EXOC6B: variants seen among roughly 807,000 people sequenced by gnomAD.
EXOC6B encodes exocyst complex component 6B, also known as SEC15 homolog B.
Under a neutral mutation model 113.5 loss-of-function variants are expected in EXOC6B, and 54 were observed. That is an observed-to-expected ratio of 0.48 (90% confidence interval 0.38 to 0.60). EXOC6B has a LOEUF of 0.60. Ranked by LOEUF, EXOC6B falls within the 20% of genes least tolerant of loss-of-function variation. The pLI is 0.00. For missense variants in EXOC6B, 797 were observed against 977.5 expected, an observed-to-expected ratio of 0.82 and a Z score of 2.46; for synonymous variants, 357 against 339.0, an observed-to-expected ratio of 1.05 and a Z score of -0.58.
intron 1 of EXOC6B, among the ~76,000 whole-genome samples, chr2:72,799,163 C>T (rs536095231): frequency 2.8e-4 from 41 of 143,958 alleles, no homozygotes; most frequent in Non-Finnish European, 5.3e-4. Flanking sequence ...TCGCTTGTGC[C>T]CAGGAGGTCA....
At chr2:72,514,905 T>C in intron 9 of EXOC6B, 138 bp downstream of exon 9, 1 of 795,332 alleles carries the variant, frequency 1.3e-6, no homozygotes, top group Non-Finnish European at 2.1e-6. Context: ...TTACTGCAAG[T>C]CACATCCACC....
At chr2:72,205,385 C>T (rs1679777433) in intron 20 of EXOC6B, among the ~76,000 whole-genome samples, 1 of 151,946 alleles carries the variant, frequency 6.6e-6, no homozygotes, top group Non-Finnish European at 1.5e-5. Flanking sequence ...AAGGATATTC[C>T]ACTGAAGTAA....
At chr2:72,802,782 A>G (rs1685364605) in intron 1 of EXOC6B, among the ~76,000 whole-genome samples, 1 of 152,206 alleles carries the variant, frequency 6.6e-6, no homozygotes, top group Admixed American at 6.5e-5. Flanking sequence ...GAACAATTTT[A>G]TCTTACAGCA....
chr2:72,634,336 A>C (rs1355890802), intron 6 of EXOC6B, among the ~76,000 whole-genome samples: 1 of 152,218 alleles, frequency 6.6e-6, no homozygotes, highest in Non-Finnish European at 1.5e-5. Flanking sequence ...GAATAGATGC[A>C]CTTTTCCTCC....
At chr2:72,399,904 T>C (rs1333635079) in intron 18 of EXOC6B, among the ~76,000 whole-genome samples, 1 of 152,156 alleles carries the variant, frequency 6.6e-6, no homozygotes, top group Non-Finnish European at 1.5e-5. Flanking sequence ...AATGCCAATG[T>C]GATTTTTCAC....
At chr2:72,228,400 A>C (rs1358580318) in intron 20 of EXOC6B, among the ~76,000 whole-genome samples, 3 of 150,242 alleles carry the variant, frequency 2.0e-5, no homozygotes, top group Admixed American at 6.6e-5. Context: ...TATATCTCCT[A>C]ATGCTATCCC....
At chr2:72,619,852 G>A (rs1671637474) in intron 6 of EXOC6B, among the ~76,000 whole-genome samples, 1 of 152,232 alleles carries the variant, frequency 6.6e-6, no homozygotes, top group Non-Finnish European at 1.5e-5. Flanking sequence ...GGAGCAGGCA[G>A]AGACAGGCTT....
At chr2:72,408,001 G>A (rs990639069) in intron 18 of EXOC6B, among the ~76,000 whole-genome samples, 11 of 152,070 alleles carry the variant, frequency 7.2e-5, no homozygotes, top group Admixed American at 5.2e-4. Flanking sequence ...TAAGCTGATA[G>A]GCAACTTCAG....
In EXOC6B at chr2:72,825,023, G is replaced by A. The variant is rs1211230830; in HGVS notation, c.113+775C>T. 1.3e-5 allele frequency among the ~76,000 whole-genome samples: 2 copies of A among 152,172 alleles called. No individual in the cohort carries two copies. The highest frequency in any genetic ancestry group is 2.9e-5 in the Non-Finnish European group (2 of 68,028). On this transcript the variant is annotated intron_variant, in intron 1 of 21. Coordinates refer to ENST00000272427, the MANE Select transcript of EXOC6B (RefSeq NM_015189.3). The surrounding 1 kb of genome is among the most constrained non-coding windows in gnomAD (Gnocchi z 4.4). ...GGTTGTTTTGTAGCTTAAATAAGTT[G>A]CATTTGTAAATCACTTTATACAACG... is the stretch of plus-strand genomic sequence containing the variant.
At chr2:72,745,910 C>T (rs1681665196) in intron 1 of EXOC6B, among the ~76,000 whole-genome samples, 1 of 152,186 alleles carries the variant, frequency 6.6e-6, no homozygotes, top group East Asian at 1.9e-4. Flanking sequence ...ACAATGCAGT[C>T]GAACAAAGTG....
chr2:72,374,376 C>G (rs578110365), intron 19 of EXOC6B, among the ~76,000 whole-genome samples: 1 of 152,140 alleles, frequency 6.6e-6, no homozygotes, highest in East Asian at 1.9e-4. Flanking sequence ...GAAATCCTGT[C>G]ATTTGTAACA....
chr2:72,568,712 C>T lies in EXOC6B; in HGVS notation c.846+6780G>A, dbSNP rs188619184. ...AGTAAAAGAAAATTTTTAAAAGACG[C>T]TATTACAGAAGAGGTAAAATTGAGG... On this transcript the variant is annotated intron_variant, in intron 7 of 21. Coordinates refer to ENST00000272427, the MANE Select transcript of EXOC6B (RefSeq NM_015189.3). Among the ~76,000 whole-genome samples the T allele has an allele frequency of 3.3e-5, 5 of 151,900 alleles. No individual in the cohort carries two copies. The East Asian group carries it at 7.8e-4, about 24-fold the overall frequency.
rs376924466 is a variant in EXOC6B, at chr2:72,498,043, G to A, written c.1337+411C>T. On this transcript the variant is annotated intron_variant, in intron 13 of 21. Transcript: ENST00000272427. ...AGTGAGTCATCCAAACAGATTTTCC[G>A]AAAGCCTAAATTATTCCTAAGTGCT... 2.0e-3 allele frequency among the ~76,000 whole-genome samples: 301 copies of A among 152,246 alleles called. 3 individuals are homozygous for A. In the South Asian group the frequency reaches 0.026, roughly 13 times the overall value.
At chr2:72,792,936 C>T (rs1671813536) in intron 1 of EXOC6B, among the ~76,000 whole-genome samples, 1 of 152,136 alleles carries the variant, frequency 6.6e-6, no homozygotes, top group African/African-American at 2.4e-5. Flanking sequence ...CAAAGGGAAT[C>T]AGAGGACTGC....
chr2:72,790,819 T>C (rs1684631970), intron 1 of EXOC6B, among the ~76,000 whole-genome samples: 1 of 152,138 alleles, frequency 6.6e-6, no homozygotes, highest in Non-Finnish European at 1.5e-5. Flanking sequence ...CCATACTTTC[T>C]GAACTGAAAA....
intron 6 of EXOC6B, among the ~76,000 whole-genome samples, chr2:72,607,293 TTCTC>T (rs551150040): frequency 4.6e-5 from 7 of 152,242 alleles, no homozygotes; most frequent in Admixed American, 2.6e-4. Context: ...GCCTGATTTC[TTCTC>T]TCTATCTCGT....
intron 18 of EXOC6B, among the ~76,000 whole-genome samples, chr2:72,422,670 G>A (rs1315860551): frequency 6.6e-6 from 1 of 150,496 alleles, no homozygotes; most frequent in African/African-American, 2.5e-5. Flanking sequence ...GGGCCTTGGA[G>A]AACCTTTATG....
At chr2:72,777,101 C>T (rs140134155) in intron 1 of EXOC6B, among the ~76,000 whole-genome samples, 2,280 of 152,094 alleles carry the variant, frequency 0.015, 74 homozygotes, top group African/African-American at 0.053. Flanking sequence ...ATCAGCCAGG[C>T]GTGGTGGCAC....
At position 72,233,373 on chromosome 2, in the gene EXOC6B, G is replaced by A. The variant is rs573625079; in HGVS notation, c.2197-49186C>T. On this transcript the variant is annotated intron_variant, in intron 20 of 21. Coordinates refer to ENST00000272427, the MANE Select transcript of EXOC6B (RefSeq NM_015189.3). ...CCATCAAGGCAGCAGGGAACACAGAGGGCAGAGAGGAGTGAAGCTGGGCCC... is the reference window on the plus strand; with the variant it reads ...CCATCAAGGCAGCAGGGAACACAGAAGGCAGAGAGGAGTGAAGCTGGGCCC... Among the ~76,000 whole-genome samples, 6 of 152,216 alleles carry A rather than the reference G, an allele frequency of 3.9e-5. No individual in the cohort carries two copies. The South Asian group carries it at 6.2e-4, about 16-fold the overall frequency.
Sources: gnomAD v4.1 joint callset for allele counts (sites outside exome capture counted in the v4.1 genomes callset) on GRCh38, gnomAD v4.1.1 for gene constraint, Gnocchi (gnomAD v3.1) non-coding constraint, MANE v1.5 for transcripts, NCBI Gene and HGNC (gene_info 2026-07-23, HGNC 2026-07-21) for gene names.